The following TENT5D variants were observed in gnomAD, a reference collection of about 807,000 sequenced individuals.
TENT5D encodes cancer/testis antigen 112.
For missense variants in TENT5D, 191 were observed against 287.0 expected (o/e 0.67, Z 2.42); for synonymous variants, 103 against 100.6 (o/e 1.02, Z -0.15).
chrX:80,336,213 T>C (rs976906418), intron 2 of TENT5D, among the ~76,000 whole-genome samples: 23 of 111,299 alleles, frequency 2.1e-4, no homozygotes, highest in Non-Finnish European at 4.0e-4. Flanking sequence ...TTTCAATATA[T>C]AGGGGAAATA....
At chrX:80,434,497 C>T (rs1167869531) in intron 1 of TENT5D, among the ~76,000 whole-genome samples, 1 of 111,500 alleles carries the variant, frequency 9.0e-6, no homozygotes, top group African/African-American at 3.3e-5. Context: ...ATAAACATCT[C>T]TTTTTCAAGC....
At position 80,373,672 on chromosome X, in the gene TENT5D, A is replaced by G. The variant is rs1220593098; in HGVS notation, c.-142+31108A>G. ...GTTAATCCTTCTCTCCTGATCTCCC[A>G]TATATATTTAGTCACATCACCAAGT... On this transcript the variant is annotated intron_variant, in intron 3 of 4. Transcript: ENST00000538312. Among the ~76,000 whole-genome samples, 3 of 111,171 alleles carry G rather than the reference A, an allele frequency of 2.7e-5. No homozygotes were observed. In the Admixed American group the frequency reaches 2.9e-4, roughly 11 times the overall value.
chrX:80,365,875 GATAAT>G (rs1048425506), intron 3 of TENT5D, among the ~76,000 whole-genome samples: 3 of 109,987 alleles, frequency 2.7e-5, no homozygotes, highest in African/African-American at 1.0e-4. Context: ...GATTAAATGA[GATAAT>G]ATACTTAAAG....
chrX:80,396,453 AGATTAGG>A (rs1931244320), intron 3 of TENT5D, among the ~76,000 whole-genome samples: 1 of 109,276 alleles, frequency 9.2e-6, no homozygotes, highest in Non-Finnish European at 1.9e-5. Context: ...TGGGTATTTG[AGATTAGG>A]GAGTGGTGAT....
At chrX:80,399,645 A>G (rs915379150) in intron 3 of TENT5D, among the ~76,000 whole-genome samples, 2 of 112,660 alleles carry the variant, frequency 1.8e-5, no homozygotes, top group African/African-American at 6.4e-5. Flanking sequence ...AAAGACATGT[A>G]TTAACATTTT....
intron 3 of TENT5D, among the ~76,000 whole-genome samples, chrX:80,359,006 C>T (rs1481830076): frequency 9.0e-6 from 1 of 111,242 alleles, no homozygotes; most frequent in Non-Finnish European, 1.9e-5. Context: ...CTGTTTCTAA[C>T]ACTTCTCAAA....
At chrX:80,443,605 G>T in exon 3 of TENT5D, 1 of 1,210,460 alleles carries the variant, frequency 8.3e-7, no homozygotes, top group Non-Finnish European at 1.1e-6. Context: ...TCCGTACTTT[G>T]CAGCTGAGGC....
upstream of TENT5D, among the ~76,000 whole-genome samples, chrX:80,418,804 C>T (rs1931828083): frequency 9.0e-6 from 1 of 111,534 alleles, no homozygotes; most frequent in Admixed American, 9.5e-5. Flanking sequence ...TAGTACTTTA[C>T]AGAATTCATT....
At chrX:80,350,693 G>T (rs1930159286) in intron 3 of TENT5D, among the ~76,000 whole-genome samples, 1 of 111,500 alleles carries the variant, frequency 9.0e-6, no homozygotes, top group Non-Finnish European at 1.9e-5. Context: ...CTGTCATCAT[G>T]ATGCTAGCTG....
intron 3 of TENT5D, among the ~76,000 whole-genome samples, chrX:80,358,173 A>G (rs990255138): frequency 1.8e-5 from 2 of 111,734 alleles, no homozygotes; most frequent in African/African-American, 6.5e-5. Flanking sequence ...TTCAAGATGG[A>G]TTAAAGACTT....
chrX:80,371,855 G>T (rs923340108), intron 3 of TENT5D, among the ~76,000 whole-genome samples: 3 of 111,568 alleles, frequency 2.7e-5, no homozygotes, highest in African/African-American at 6.5e-5. Flanking sequence ...TCTTATCATT[G>T]CATTCACATT....
intron 1 of TENT5D, among the ~76,000 whole-genome samples, chrX:80,426,304 TAAA>T (rs1223442784): frequency 9.0e-6 from 1 of 111,606 alleles, no homozygotes; most frequent in African/African-American, 3.2e-5. Flanking sequence ...AATGATGACT[TAAA>T]AATTTGAAAA....
At chrX:80,407,139 C>G (rs1931516857) in intron 3 of TENT5D, among the ~76,000 whole-genome samples, 2 of 108,755 alleles carry the variant, frequency 1.8e-5, no homozygotes, top group African/African-American at 6.7e-5. Flanking sequence ...CCAGCCACTG[C>G]AAAATCATGC....
At chrX:80,429,180 C>G (rs956635744) in intron 1 of TENT5D, among the ~76,000 whole-genome samples, 2 of 111,734 alleles carry the variant, frequency 1.8e-5, no homozygotes, top group African/African-American at 6.5e-5. Flanking sequence ...GTCCCCACCA[C>G]AAGCTGGACA....
At chrX:80,435,836 A>C (rs183978474) in intron 1 of TENT5D, among the ~76,000 whole-genome samples, 3 of 112,654 alleles carry the variant, frequency 2.7e-5, no homozygotes, top group African/African-American at 9.7e-5. Flanking sequence ...TGTTAGTGGA[A>C]CAAAAAACTA....
intron 3 of TENT5D, among the ~76,000 whole-genome samples, chrX:80,387,269 T>C (rs1371419260): frequency 8.9e-6 from 1 of 112,176 alleles, no homozygotes; most frequent in Admixed American, 9.4e-5. Context: ...GGTCAGATTT[T>C]ACTGGTTGCT....
intron 1 of TENT5D, among the ~76,000 whole-genome samples, chrX:80,430,399 A>G (rs1467220114): frequency 9.0e-6 from 1 of 110,966 alleles, no homozygotes; most frequent in African/African-American, 3.3e-5. Context: ...GATAAGGGGG[A>G]AAGGTAGGGC....
Position 80,338,658 on chromosome X carries a change from C to A in TENT5D, c.-207+2942C>A, listed in dbSNP as rs5913252. ...ATATTATGATTGTTTTGTGTTAACA[C>A]ATTTTTTGTTGTCTTCTAACAAATG... On this transcript the variant is annotated intron_variant, in intron 2 of 4. Transcript: ENST00000538312. Among the ~76,000 whole-genome samples the A allele has an allele frequency of 3.3e-3, 368 of 112,456 alleles. 1 individual carries two copies. Among genetic ancestry groups the A allele is most frequent in the Non-Finnish European group, 5.6e-3 (296 of 53,211 alleles).
rs1172468275 is a variant in TENT5D, at chrX:80,399,393, C to A, written c.-141-39217C>A. Among the ~76,000 whole-genome samples, 6 of 112,080 alleles carry A rather than the reference C, an allele frequency of 5.4e-5. No individual in the cohort carries two copies. The Admixed American group carries it at 5.7e-4, about 11-fold the overall frequency. ...TCATTTTTGCATTGTATATTCTTGG[C>A]ATTCTTTTAGAAAATAAATTGACTA... is the stretch of plus-strand genomic sequence containing the variant. On this transcript the variant is annotated intron_variant, in intron 3 of 4. Coordinates refer to the TENT5D transcript ENST00000538312.
Sources: gnomAD v4.1 joint callset for allele counts (sites outside exome capture counted in the v4.1 genomes callset) on GRCh38, gnomAD v4.1.1 for gene constraint, MANE v1.5 for transcripts, NCBI Gene and HGNC (gene_info 2026-07-23, HGNC 2026-07-21) for gene names.